Variants in KNTC1 observed in about 807,000 individuals in gnomAD.
The protein encoded by KNTC1 is kinetochore associated 1.
In KNTC1, 253 loss-of-function variants were observed where a neutral mutation model predicts 314.4. That is an observed-to-expected ratio of 0.80 (90% CI 0.73 to 0.89). The LOEUF is 0.89. Among genes scored for constraint, KNTC1 ranks in the 40% least tolerant of loss-of-function variants. The pLI is 0.00. For missense variants in KNTC1, 2,475 were observed against 2,572.9 expected (o/e 0.96, Z 0.82); for synonymous variants, 901 against 901.4 (o/e 1.00, Z 0.01).
At position 122,594,114 on chromosome 12, in the gene KNTC1, C is replaced by G. The variant is rs193091666; in HGVS notation, c.4246-162C>G. 1.1e-4 allele frequency: 63 copies of G among 588,098 alleles called. 1 individual carries two copies. In the Admixed American group the frequency reaches 1.8e-3, roughly 17 times the overall value. 36.4% of individuals were successfully genotyped at this position (588,098 alleles called of 1,614,324 possible). A position where few individuals can be genotyped will look rare whatever the true frequency, so the allele number is the denominator to read the frequency against. On this transcript the variant is annotated intron_variant, in intron 42 of 63. Coordinates refer to ENST00000333479, the MANE Select transcript of KNTC1 (RefSeq NM_014708.6). ...TCGGACCCATGTACACCTCAAATCT[C>G]AGAATGATGGCTGGGTTGGGTAGTG...
rs139271576 is a variant in KNTC1, at chr12:122,616,601, A to C, written c.6030+1075A>C. Among the ~76,000 whole-genome samples the C allele has an allele frequency of 1.1e-4, 17 of 152,300 alleles. No individual in the cohort carries two copies. In the East Asian group the frequency reaches 3.3e-3, roughly 29 times the overall value. ...ACAGGCATGTATGCTATGTGTGTGCATATCTACAGTGTATATATGCATTTT... is the reference window on the plus strand; with the variant it reads ...ACAGGCATGTATGCTATGTGTGTGCCTATCTACAGTGTATATATGCATTTT... On this transcript the variant is annotated intron_variant, in intron 57 of 63. Coordinates refer to ENST00000333479, the MANE Select transcript of KNTC1 (RefSeq NM_014708.6).
Position 122,577,708 on chromosome 12 carries a change from C to A in KNTC1, c.2758C>A (p.Pro920Thr), listed in dbSNP as rs1480165906. The A allele has an allele frequency of 6.2e-7, 1 of 1,613,682 alleles. No homozygotes were observed. The highest frequency in any genetic ancestry group is 1.1e-5 in the South Asian group (1 of 91,040). Reference sequence around the variant, plus strand: ...TCTCCTTCTGTTGAAGTCTTTGCCTCCTGCTGAAGCTGAGAAAACTGCAGA... The same window carrying A: ...TCTCCTTCTGTTGAAGTCTTTGCCTACTGCTGAAGCTGAGAAAACTGCAGA... Reference protein sequence around the residue: ...DCLLLLKSLPPAEAEKTAERV... With the variant: ...DCLLLLKSLPTAEAEKTAERV... The change falls in exon 31 of 64, where the codon CCT (proline) becomes ACT (threonine). Residue 920 changes from proline (P) to threonine (T), a missense_variant. Pro to Thr is a conservative substitution (Grantham distance 38, BLOSUM62 -1). Coordinates refer to ENST00000333479, the MANE Select transcript of KNTC1 (RefSeq NM_014708.6).
chr12:122,602,435 A>C (rs567635854), intron 45 of KNTC1, 134 bp from the exon 46 acceptor site: 2 of 591,946 alleles, frequency 3.4e-6, no homozygotes, highest in East Asian at 5.7e-5. Context: ...AATACTAGAA[A>C]AGGTTTTGAT....
In KNTC1 at chr12:122,542,077, A is replaced by G. The variant is rs779795415; in HGVS notation, c.473A>G (p.Tyr158Cys). Reference protein sequence around the residue: ...EGTYYMLLLTYSGFFCITNLQ... With the variant: ...EGTYYMLLLTCSGFFCITNLQ... ...ACCTATTATATGCTACTTCTTACAT[A>G]CAGTGGATTTTTTTGTATTACAAAC... Residue 158 changes from tyrosine (Y) to cysteine (C), a missense_variant, in exon 6 of 64, where the codon TAC becomes TGC. Transcript: ENST00000333479. The G allele has an allele frequency of 1.3e-6, 2 of 1,548,282 alleles. No homozygotes were observed. The highest frequency in any genetic ancestry group is 3.7e-5 in the Admixed American group (2 of 53,652).
At chr12:122,605,986 G>A (rs865949027) in intron 51 of KNTC1, among the ~76,000 whole-genome samples, 31 of 151,820 alleles carry the variant, frequency 2.0e-4, no homozygotes, top group African/African-American at 6.3e-4. Context: ...GGGACTACAC[G>A]TGTGCATCAC....
intron 51 of KNTC1, among the ~76,000 whole-genome samples, chr12:122,608,242 T>A (rs1428255457): frequency 6.6e-6 from 1 of 152,150 alleles, no homozygotes; most frequent in East Asian, 1.9e-4. Flanking sequence ...CCAGAGTAGC[T>A]GGGACTGCAG....
chr12:122,529,897 A>C, intron 1 of KNTC1, 94 bp from the exon 2 acceptor site: 1 of 597,988 alleles, frequency 1.7e-6, no homozygotes, highest in Non-Finnish European at 2.7e-6. Context: ...TAACAAGAAG[A>C]CTAAGATGTC....
chr12:122,575,757 TA>T (rs761123250), intron 28 of KNTC1, 42 bp from the exon 29 acceptor site: 1 of 1,558,006 alleles, frequency 6.4e-7, no homozygotes, highest in Non-Finnish European at 8.8e-7. Flanking sequence ...TAGTACTTCA[TA>T]AAAAAGACAA....
At chr12:122,530,448 A>T in intron 2 of KNTC1, among the ~76,000 whole-genome samples, 1 of 151,264 alleles carries the variant, frequency 6.6e-6, no homozygotes, top group South Asian at 2.1e-4. Flanking sequence ...GATACAAAGG[A>T]TATCTTTTTT....
At chr12:122,600,405 CCTTT>C (rs1239452243) in intron 44 of KNTC1, among the ~76,000 whole-genome samples, 3 of 152,012 alleles carry the variant, frequency 2.0e-5, no homozygotes, top group Non-Finnish European at 2.9e-5. Flanking sequence ...AGCCTGACTT[CCTTT>C]CTTTTTGTGT....
rs367757495 is a variant in KNTC1, at chr12:122,550,253, C to G, written c.1086+389C>G. On this transcript the variant is annotated intron_variant, in intron 13 of 63. Transcript: ENST00000333479. ...CTTTTTACACACACACTGTAGTTTTCCACATTTTGGAAATTACTTGTAGAC... is the reference window on the plus strand; with the variant it reads ...CTTTTTACACACACACTGTAGTTTTGCACATTTTGGAAATTACTTGTAGAC... Among the ~76,000 whole-genome samples, 9 of 152,134 alleles carry G rather than the reference C, an allele frequency of 5.9e-5. No individual in the cohort carries two copies. The East Asian group carries it at 1.5e-3, about 26-fold the overall frequency.
In KNTC1 at chr12:122,537,520, G is replaced by A. The variant is rs1362046248; in HGVS notation, c.251-819G>A. Among the ~76,000 whole-genome samples, 6 of 151,882 alleles carry A rather than the reference G, an allele frequency of 4.0e-5. No individual in the cohort carries two copies. The East Asian group carries it at 1.2e-3, about 30-fold the overall frequency. ...TGCAGCCTCCACCTCCTGGGTTCAA[G>A]CGATTCTCCTGTCTCAGCCTCCTGA... On this transcript the variant is annotated intron_variant, in intron 3 of 63. Transcript: ENST00000333479.
intron 57 of KNTC1, among the ~76,000 whole-genome samples, chr12:122,616,608 C>T (rs1346381613): frequency 1.3e-5 from 2 of 152,156 alleles, no homozygotes; most frequent in Non-Finnish European, 2.9e-5. Context: ...TGCATATCTA[C>T]AGTGTATATA....
chr12:122,585,890 T>C (rs920380415), intron 37 of KNTC1, 116 bp downstream of exon 37: 1 of 886,194 alleles, frequency 1.1e-6, no homozygotes, highest in Non-Finnish European at 1.8e-6. Flanking sequence ...ATAAGCGTAA[T>C]GTGGAGCTAA....
intron 48 of KNTC1, among the ~76,000 whole-genome samples, chr12:122,604,114 G>C (rs1476623740): frequency 1.3e-5 from 2 of 151,128 alleles, no homozygotes; most frequent in African/African-American, 4.9e-5. Context: ...ACTCCTAAAG[G>C]CATATAAGAA....
At chr12:122,574,893 A>G (rs757156189) in intron 27 of KNTC1, among the ~76,000 whole-genome samples, 12 of 152,212 alleles carry the variant, frequency 7.9e-5, no homozygotes, top group Non-Finnish European at 1.0e-4. Context: ...ATATATTGTA[A>G]TATGCCTTTA....
intron 44 of KNTC1, among the ~76,000 whole-genome samples, chr12:122,599,300 A>C (rs867726836): frequency 5.3e-5 from 8 of 151,864 alleles, no homozygotes; most frequent in Middle Eastern, 3.2e-3. Flanking sequence ...ATCTTCTGAG[A>C]ATTGGAATGT....
intron 31 of KNTC1, among the ~76,000 whole-genome samples, chr12:122,578,496 C>G (rs1965178875): frequency 6.6e-6 from 1 of 152,062 alleles, no homozygotes; most frequent in African/African-American, 2.4e-5. Context: ...GATCTTAACT[C>G]ACTGCAACCT....
chr12:122,537,795 A>G (rs2137681526), intron 3 of KNTC1, among the ~76,000 whole-genome samples: 1 of 152,234 alleles, frequency 6.6e-6, no homozygotes, highest in South Asian at 2.1e-4. Flanking sequence ...AGATATATGT[A>G]AAAGGCCTAG....
Sources: allele counts gnomAD v4.1 joint callset (sites outside exome capture counted in the v4.1 genomes callset), GRCh38; gene constraint gnomAD v4.1.1; transcripts MANE v1.5; gene names NCBI Gene and HGNC (gene_info 2026-07-23, HGNC 2026-07-21).